Variants in PSD3 observed in about 807,000 individuals in gnomAD.
PSD3 encodes PH and SEC7 domain-containing protein 3.
In PSD3, 49 loss-of-function variants were observed where a neutral mutation model predicts 105.5. That is an observed-to-expected ratio of 0.46 (90% CI 0.37 to 0.59). The LOEUF is 0.59. Among genes scored for constraint, PSD3 ranks in the 20% least tolerant of loss-of-function variants. The pLI is 0.00. For synonymous variants in PSD3, 557 were observed against 457.8 expected (o/e 1.22, Z -2.77); for missense variants, 1,561 against 1,263.8 (o/e 1.24, Z -3.57).
chr8:18,616,829 T>A (rs550202529), intron 11 of PSD3, among the ~76,000 whole-genome samples: 1 of 151,650 alleles, frequency 6.6e-6, no homozygotes, highest in Non-Finnish European at 1.5e-5. Context: ...TTCACCGTTT[T>A]AGCCGGGATG....
At chr8:18,760,502 T>G (rs1366724974) in intron 9 of PSD3, among the ~76,000 whole-genome samples, 1 of 152,110 alleles carries the variant, frequency 6.6e-6, no homozygotes, top group Non-Finnish European at 1.5e-5. Flanking sequence ...GGTATTTGTC[T>G]TTCTGTGCCT....
chr8:18,707,365 C>T (rs1012883272), intron 9 of PSD3, among the ~76,000 whole-genome samples: 1 of 152,168 alleles, frequency 6.6e-6, no homozygotes, highest in African/African-American at 2.4e-5. Flanking sequence ...AGGTAAGTAG[C>T]AGATTCTCAA....
At chr8:18,571,409 GC>G (rs1802130024) in intron 14 of PSD3, among the ~76,000 whole-genome samples, 1 of 151,992 alleles carries the variant, frequency 6.6e-6, no homozygotes, top group African/African-American at 2.4e-5. Flanking sequence ...TCACCTAACT[GC>G]CTCTCATCCT....
At chr8:19,054,937 T>C (rs1479047144) in intron 1 of PSD3, among the ~76,000 whole-genome samples, 3 of 152,224 alleles carry the variant, frequency 2.0e-5, no homozygotes, top group Admixed American at 6.5e-5. Flanking sequence ...TAGAAACTTC[T>C]AGTGCTCACC....
chr8:19,017,110 T>C (rs1277041007), upstream of PSD3, among the ~76,000 whole-genome samples: 1 of 147,388 alleles, frequency 6.8e-6, no homozygotes, highest in Non-Finnish European at 1.5e-5. Flanking sequence ...TGGAGTACAG[T>C]GGTGCAATCA....
At chr8:18,796,747 G>T (rs1421933607) in intron 8 of PSD3, among the ~76,000 whole-genome samples, 3 of 152,132 alleles carry the variant, frequency 2.0e-5, no homozygotes, top group African/African-American at 7.2e-5. Flanking sequence ...GCACTTCTTA[G>T]AAAGATCATG....
intron 1 of PSD3, among the ~76,000 whole-genome samples, chr8:19,059,993 T>C (rs923573404): frequency 6.6e-6 from 1 of 152,256 alleles, no homozygotes; most frequent in African/African-American, 2.4e-5. Flanking sequence ...CTGTCAAATC[T>C]GGGCTTGAAA....
rs903903117 is a variant in PSD3 at position 18,533,816 on chromosome 8, A to G, written c.*1927T>C. ...ATTCAGTGAGAGGCTACAAAAATCA[A>G]TCTGATACATGGGCCATATTGGTAA... On this transcript the variant is annotated 3_prime_UTR_variant, in exon 16 of 16. Coordinates refer to ENST00000327040, the MANE Select transcript of PSD3 (RefSeq NM_015310.4). 1 of 152,178 alleles carries G rather than the reference A, an allele frequency of 6.6e-6. No individual in the cohort carries two copies. The highest frequency in any genetic ancestry group is 2.4e-5 in the African/African-American group (1 of 41,440). 9.4% of individuals were successfully genotyped at this position (152,178 alleles called of 1,614,324 possible).
intron 1 of PSD3, among the ~76,000 whole-genome samples, chr8:19,069,599 G>A (rs1453350580): frequency 2.0e-5 from 3 of 152,220 alleles, no homozygotes; most frequent in Non-Finnish European, 4.4e-5. Context: ...TCATCATCGT[G>A]ATAATACCTA....
intron 12 of PSD3, among the ~76,000 whole-genome samples, chr8:18,583,820 G>A (rs988608440): frequency 6.6e-6 from 1 of 152,116 alleles, no homozygotes; most frequent in South Asian, 2.1e-4. Context: ...TCAGAATGAA[G>A]AAGAAAGCTC....
chr8:18,729,761 C>A (rs1262703056), intron 9 of PSD3, among the ~76,000 whole-genome samples: 1 of 152,170 alleles, frequency 6.6e-6, no homozygotes, highest in African/African-American at 2.4e-5. Context: ...TTACAAATGC[C>A]ATTCTGGAGG....
intron 6 of PSD3, among the ~76,000 whole-genome samples, chr8:18,803,453 T>G (rs1810913731): frequency 7.0e-6 from 1 of 142,264 alleles, no homozygotes; most frequent in Non-Finnish European, 1.5e-5. Context: ...AACTCCCTAC[T>G]CAAAACAATT....
chr8:18,814,473 G>C (rs970934793), intron 4 of PSD3, among the ~76,000 whole-genome samples: 2 of 152,134 alleles, frequency 1.3e-5, no homozygotes, highest in Non-Finnish European at 2.9e-5. Context: ...CATGATGCAG[G>C]TTTTCACTTT....
intron 12 of PSD3, among the ~76,000 whole-genome samples, chr8:18,596,780 G>T (rs766619671): frequency 6.6e-6 from 1 of 152,012 alleles, no homozygotes; most frequent in Non-Finnish European, 1.5e-5. Context: ...ATTACGGAGA[G>T]GTAGAAAATC....
Position 18,613,098 on chromosome 8 carries a change from C to G in PSD3, c.2411-12664G>C, listed in dbSNP as rs1585387629. 3.3e-5 allele frequency among the ~76,000 whole-genome samples: 5 copies of G among 152,228 alleles called. No homozygotes were observed. In the South Asian group the frequency reaches 8.3e-4, roughly 25 times the overall value. ...GCAACAAATCCCAAAATGACTCTCA[C>G]TACATCATTTTTTTCAGGAAAAATA... On this transcript the variant is annotated intron_variant, in intron 11 of 15. Transcript: ENST00000327040.
At chr8:18,692,213 T>C (rs1445175952) in intron 9 of PSD3, among the ~76,000 whole-genome samples, 1 of 152,242 alleles carries the variant, frequency 6.6e-6, no homozygotes, top group Non-Finnish European at 1.5e-5. Context: ...TAAAATATTA[T>C]GCAAATCCAG....
chr8:18,536,604 G>C (rs1355968190), intron 15 of PSD3, among the ~76,000 whole-genome samples: 1 of 152,154 alleles, frequency 6.6e-6, no homozygotes, highest in Admixed American at 6.5e-5. Context: ...GAAGCTGGCA[G>C]AATTTCAAGT....
intron 2 of PSD3, among the ~76,000 whole-genome samples, chr8:18,925,405 A>ATG (rs1287211010): frequency 6.6e-6 from 1 of 151,868 alleles, no homozygotes; most frequent in African/African-American, 2.4e-5. Context: ...ATATATATAT[A>ATG]TACACACACA....
intron 2 of PSD3, among the ~76,000 whole-genome samples, chr8:18,903,437 G>C (rs1382877768): frequency 1.3e-5 from 2 of 152,116 alleles, no homozygotes; most frequent in Non-Finnish European, 2.9e-5. Context: ...GGGGTGAAGA[G>C]TGTGGGGTCA....
Sources: gnomAD v4.1 joint callset for allele counts (sites outside exome capture counted in the v4.1 genomes callset) on GRCh38, gnomAD v4.1.1 for gene constraint, MANE v1.5 for transcripts, NCBI Gene and HGNC (gene_info 2026-07-23, HGNC 2026-07-21) for gene names.